Variants in ARHGEF9 observed in about 807,000 individuals in gnomAD.
ARHGEF9 encodes the protein rho guanine nucleotide exchange factor 9.
In ARHGEF9, 2 loss-of-function variants were observed where a neutral mutation model predicts 41.3. That is an observed-to-expected ratio of 0.05 (90% CI 0.02 to 0.15). ARHGEF9 has a LOEUF of 0.15. Ranked by LOEUF, ARHGEF9 falls within the 10% of genes least tolerant of loss-of-function variation. The pLI is 1.00. For synonymous variants in ARHGEF9, 160 were observed against 154.4 expected (o/e 1.04, Z -0.27); for missense variants, 225 against 424.7 (o/e 0.53, Z 4.13).
Position 63,766,209 on chromosome X carries a change from T to A in ARHGEF9, c.30+18907A>T, listed in dbSNP as rs11796217. On this transcript the variant is annotated intron_variant, in intron 1 of 9. Transcript: ENST00000671741. ...TACACACATCTAGTGCCTAAAACAG[T>A]GCCTGCTACATAACAGATGCTCAAT... is the stretch of plus-strand genomic sequence containing the variant. Among the ~76,000 whole-genome samples, 47 of 112,290 alleles carry A rather than the reference T, an allele frequency of 4.2e-4. No individual in the cohort carries two copies. In the South Asian group the frequency reaches 6.7e-3, roughly 16 times the overall value.
intron 1 of ARHGEF9, among the ~76,000 whole-genome samples, chrX:63,729,883 T>C (rs1361103292): frequency 1.8e-5 from 2 of 112,595 alleles, no homozygotes; most frequent in Non-Finnish European, 3.8e-5. Flanking sequence ...TCCTGCATTA[T>C]GCTTAAAGAC....
intron 7 of ARHGEF9, among the ~76,000 whole-genome samples, chrX:63,662,684 A>T (rs2049293544): frequency 1.8e-5 from 2 of 112,071 alleles, no homozygotes; most frequent in South Asian, 7.4e-4. Flanking sequence ...ACATATCCTT[A>T]ACATGGAAAT....
intron 1 of ARHGEF9, among the ~76,000 whole-genome samples, chrX:63,771,564 G>C (rs2056205130): frequency 9.1e-6 from 1 of 109,855 alleles, no homozygotes; most frequent in Non-Finnish European, 1.9e-5. Flanking sequence ...CATCCAGTCA[G>C]TTGAAGAACT....
intron 9 of ARHGEF9, 91 bp downstream of exon 9, chrX:63,643,889 A>G: frequency 1.0e-6 from 1 of 993,576 alleles, no homozygotes. Flanking sequence ...ACCCCCAAGT[A>G]AACCTCAGCA....
At chrX:63,676,203 A>G (rs1473950465) in intron 5 of ARHGEF9, among the ~76,000 whole-genome samples, 2 of 112,114 alleles carry the variant, frequency 1.8e-5, no homozygotes, top group Non-Finnish European at 3.8e-5. Flanking sequence ...CTCTCAAACA[A>G]TGTTACATTA....
chrX:63,762,025 A>G (rs2056042030), intron 1 of ARHGEF9, among the ~76,000 whole-genome samples: 1 of 111,416 alleles, frequency 9.0e-6, no homozygotes, highest in African/African-American at 3.3e-5. Flanking sequence ...GCTAAAGTCA[A>G]TCATGCATCA....
chrX:63,707,272 G>A (rs2052605490), intron 2 of ARHGEF9: 1 of 108,829 alleles, frequency 9.2e-6, no homozygotes, highest in Non-Finnish European at 1.9e-5. Flanking sequence ...GGGCCAAGGT[G>A]GGCAGACAAT....
At chrX:63,661,758 TTCTCTCTCTCTCTC>T (rs199903174) in intron 7 of ARHGEF9, among the ~76,000 whole-genome samples, 1 of 106,159 alleles carries the variant, frequency 9.4e-6, no homozygotes, top group African/African-American at 3.4e-5. Flanking sequence ...TGCTCTCCTT[TTCTCTCTCTCTCTC>T]TCTCTCTCTC....
intron 6 of ARHGEF9, among the ~76,000 whole-genome samples, chrX:63,668,777 T>C: frequency 8.9e-6 from 1 of 112,491 alleles, no homozygotes; most frequent in Non-Finnish European, 1.9e-5. Context: ...AAGTGATGTT[T>C]TGTTATTACC....
chrX:63,685,092 C>T (rs1556373928), intron 4 of ARHGEF9, among the ~76,000 whole-genome samples: 1 of 110,846 alleles, frequency 9.0e-6, no homozygotes, highest in African/African-American at 3.3e-5. Context: ...GTATTATACA[C>T]TGGAAATTTG....
chrX:63,780,943 A>G (rs2056370132), intron 1 of ARHGEF9, among the ~76,000 whole-genome samples: 1 of 111,993 alleles, frequency 8.9e-6, no homozygotes, highest in Admixed American at 9.5e-5. Flanking sequence ...GTAGGTTGAA[A>G]GTAAACAATA....
At chrX:63,659,042 T>C (rs2049052021) in intron 7 of ARHGEF9, among the ~76,000 whole-genome samples, 2 of 112,507 alleles carry the variant, frequency 1.8e-5, no homozygotes, top group Admixed American at 1.9e-4. Context: ...CTGACACCAA[T>C]TGTGAAGGCC....
At chrX:63,734,013 C>T (rs1439731056) in intron 1 of ARHGEF9, among the ~76,000 whole-genome samples, 1 of 112,652 alleles carries the variant, frequency 8.9e-6, no homozygotes, top group East Asian at 2.8e-4. Context: ...GTGATCTCTG[C>T]TCTAATGGTG....
At chrX:63,782,023 T>C (rs1242252635) in intron 1 of ARHGEF9, among the ~76,000 whole-genome samples, 1 of 112,036 alleles carries the variant, frequency 8.9e-6, no homozygotes, top group African/African-American at 3.2e-5. Context: ...TAATATACCA[T>C]CCAACTTCCC....
At position 63,724,727 on chromosome X, in the gene ARHGEF9, G is replaced by A. The variant is rs782420279; in HGVS notation, c.31-16C>T. The A allele has an allele frequency of 2.8e-4, 339 of 1,205,051 alleles. 3 individuals are homozygous for A. The South Asian group carries it at 5.8e-3, about 21-fold the overall frequency. On this transcript the variant is annotated splice_polypyrimidine_tract_variant and intron_variant, in intron 1 of 9. Transcript: ENST00000671741. ...CAGTGATCAGCTTAGGAGACAAAAT[G>A]AGAATGTGTTCAGTCCACACAGCTA...
chrX:63,764,517 C>A (rs1487024269), intron 1 of ARHGEF9, among the ~76,000 whole-genome samples: 2 of 112,236 alleles, frequency 1.8e-5, no homozygotes. Flanking sequence ...GATATATGCA[C>A]GTGTATGTTC....
At chrX:63,708,602 G>C (rs1351233735) in intron 2 of ARHGEF9, among the ~76,000 whole-genome samples, 8 of 111,579 alleles carry the variant, frequency 7.2e-5, no homozygotes, top group African/African-American at 2.6e-4. Flanking sequence ...TATAACTAAA[G>C]GCCTGTGTAG....
At chrX:63,688,705 G>T (rs1556378335) in intron 4 of ARHGEF9, among the ~76,000 whole-genome samples, 1 of 111,822 alleles carries the variant, frequency 8.9e-6, no homozygotes, top group Admixed American at 9.5e-5. Context: ...GGGAGGCAGA[G>T]GTTGCAGTGA....
chrX:63,659,227 A>G lies in ARHGEF9; in HGVS notation c.1078-3490T>C, dbSNP rs782295868. Reference sequence around the variant, plus strand: ...AGTTTCCTCTGGTTGTCCTCTGCACATGGCAAGGGGACAAAGTCCTCTTGA... The same window carrying G: ...AGTTTCCTCTGGTTGTCCTCTGCACGTGGCAAGGGGACAAAGTCCTCTTGA... On this transcript the variant is annotated intron_variant, in intron 7 of 9. Transcript: ENST00000671741. Among the ~76,000 whole-genome samples, 4 of 112,196 alleles carry G rather than the reference A, an allele frequency of 3.6e-5. No homozygotes were observed. In the South Asian group the frequency reaches 1.5e-3, roughly 42 times the overall value.
Sources: gnomAD v4.1 joint callset for allele counts (sites outside exome capture counted in the v4.1 genomes callset) on GRCh38, gnomAD v4.1.1 for gene constraint, MANE v1.5 for transcripts, NCBI Gene and HGNC (gene_info 2026-07-23, HGNC 2026-07-21) for gene names.